SCNN1A: variants seen among roughly 807,000 people sequenced by gnomAD.
SCNN1A encodes the protein epithelial sodium channel subunit alpha.
SCNN1A carries 65 observed loss-of-function variants against 68.6 expected under a neutral mutation model. The ratio of observed to expected loss-of-function variants is 0.95; its 90% CI spans 0.78 to 1.16. The LOEUF is 1.16. Ranked by LOEUF, SCNN1A falls within the 50% of genes most tolerant of loss-of-function variation. SCNN1A has a pLI of 0.00. For missense variants in SCNN1A, 880 were observed against 865.9 expected (o/e 1.02, Z -0.20); for synonymous variants, 357 against 353.3 (o/e 1.01, Z -0.12).
intron 4 of SCNN1A, among the ~76,000 whole-genome samples, chr12:6,358,275 AC>A (rs1948529553): frequency 1.3e-5 from 2 of 152,194 alleles, no homozygotes; most frequent in African/African-American, 4.8e-5. Flanking sequence ...AGTCAAAAAG[AC>A]AGACAACAGC....
chr12:6,363,757 G>A, intron 2 of SCNN1A, 47 bp from the exon 3 acceptor site: 1 of 1,524,788 alleles, frequency 6.6e-7, no homozygotes, highest in Non-Finnish European at 8.8e-7. Flanking sequence ...CCTGGAGCGA[G>A]TGTCTGGCCC....
At chr12:6,377,291 C>G (rs1948928494), upstream of SCNN1A, 3 of 1,548,500 alleles carry the variant, frequency 1.9e-6, no homozygotes, top group Non-Finnish European at 2.6e-6. Context: ...GAAGGGACAG[C>G]TGGATTTTTC....
At chr12:6,370,541 G>A (rs1005950419) in intron 2 of SCNN1A, among the ~76,000 whole-genome samples, 5 of 152,184 alleles carry the variant, frequency 3.3e-5, no homozygotes, top group African/African-American at 7.2e-5. Flanking sequence ...CGTGGGAGCC[G>A]CCTAGGCCCC....
rs747901081 is a variant in SCNN1A, at chr12:6,374,428, T to A, written c.356A>T (p.Asn119Ile). The A allele has an allele frequency of 1.2e-6, 2 of 1,614,182 alleles. No homozygotes were observed. Among genetic ancestry groups the A allele is most frequent in the East Asian group, 4.5e-5 (2 of 44,896 alleles). ...YFSYPVSLNI[N>I]LNSDKLVFPA... is the part of the protein sequence containing the mutation. ...GAAGACGAGCTTGTCCGAGTTGAGG[T>A]TGATGTTGAGGCTGACGGGGTAGCT... is the stretch of plus-strand genomic sequence containing the variant. Residue 119 changes from asparagine to isoleucine, a missense_variant, in exon 2 of 13, where the codon AAC becomes ATC. Around this residue, in one of 3 missense-constraint regions of SCNN1A, gnomAD observed 758 missense variants for 721.8 expected, o/e 1.05. Transcript: ENST00000228916. This position sits in a 1 kb window ranked among gnomAD's most constrained non-coding sequence, Gnocchi z 6.2.
At chr12:6,375,326 C>A in intron 1 of SCNN1A, 179 bp downstream of exon 1, 1 of 1,441,550 alleles carries the variant, frequency 6.9e-7, no homozygotes. Flanking sequence ...TCACTCTAGG[C>A]CCTCAGCTCC....
Position 6,347,349 on chromosome 12 carries a change from A to C in SCNN1A, c.*524T>G. 1 of 166,098 alleles carries C rather than the reference A, an allele frequency of 6.0e-6. No homozygotes were observed. The highest frequency in any genetic ancestry group is 5.6e-5 in the Admixed American group (1 of 17,792). 10.3% of individuals were successfully genotyped at this position (166,098 alleles called of 1,614,324 possible). On this transcript the variant is annotated 3_prime_UTR_variant, in exon 13 of 13. Transcript: ENST00000228916. Reference sequence around the variant, plus strand: ...TAGCCCTCGGGAGTCAGGGAAGGGGAATTGCCTAAGTAACAAAGGGGGCTT... The same window carrying C: ...TAGCCCTCGGGAGTCAGGGAAGGGGCATTGCCTAAGTAACAAAGGGGGCTT...
chr12:6,376,111 T>C, upstream of SCNN1A: 1 of 988,186 alleles, frequency 1.0e-6, no homozygotes, highest in Non-Finnish European at 1.2e-6. Context: ...CACCCACAGG[T>C]CAGCCTCACC....
chr12:6,359,453 C>T (rs1158628688), intron 4 of SCNN1A, among the ~76,000 whole-genome samples: 1 of 152,064 alleles, frequency 6.6e-6, no homozygotes, highest in Non-Finnish European at 1.5e-5. Flanking sequence ...AATGTGATCC[C>T]CCATGTTGGA....
Position 6,363,506 on chromosome 12 carries a change from G to A in SCNN1A, c.621C>T (p.Ala207=), listed in dbSNP as rs773372073. 1 of 1,609,044 alleles carries A rather than the reference G, an allele frequency of 6.2e-7. No homozygotes were observed. Among genetic ancestry groups the A allele is most frequent in the Non-Finnish European group, 8.5e-7 (1 of 1,177,664 alleles). ...GGGGGTTGTTGTCCCGCAAGCTGGA[G>A]GCCACGCTACGGGCTCGACGGGCCC... is the stretch of plus-strand genomic sequence containing the variant. ...PHGARRARSV[A]SSLRDNNPQV... Residue 207 remains alanine (A), a synonymous_variant, in exon 3 of 13, where the codon GCC becomes GCT. Coordinates refer to ENST00000228916, the MANE Select transcript of SCNN1A (RefSeq NM_001038.6).
intron 7 of SCNN1A, 44 bp downstream of exon 7, chr12:6,354,706 G>A (rs776120142): frequency 2.6e-6 from 4 of 1,543,160 alleles, no homozygotes; most frequent in South Asian, 2.2e-5. Flanking sequence ...GCCAGCCAGG[G>A]CAGTGGCTGG....
At chr12:6,363,742 G>A in intron 2 of SCNN1A, 32 bp from the exon 3 acceptor site, 3 of 1,570,812 alleles carry the variant, frequency 1.9e-6, no homozygotes, top group Non-Finnish European at 2.6e-6. Flanking sequence ...GGTCAGGCCA[G>A]GGGCCCTGGA....
At chr12:6,354,976 A>G (rs1447000733) in intron 6 of SCNN1A, 128 bp from the exon 7 acceptor site, 5 of 843,252 alleles carry the variant, frequency 5.9e-6, no homozygotes, top group Non-Finnish European at 1.0e-5. Context: ...CTCTCAATAC[A>G]TGCTTCCAGC....
chr12:6,367,022 G>A (rs1445009900), intron 2 of SCNN1A, among the ~76,000 whole-genome samples: 1 of 152,056 alleles, frequency 6.6e-6, no homozygotes, highest in Admixed American at 6.5e-5. Context: ...TGGATCACTT[G>A]AGCTCAGAAG....
At chr12:6,355,957 A>C in intron 4 of SCNN1A, 77 bp from the exon 5 acceptor site, 1 of 933,146 alleles carries the variant, frequency 1.1e-6, no homozygotes, top group Non-Finnish European at 1.8e-6. Flanking sequence ...GGCAGAGAGA[A>C]ATGTCCACTC....
Sources: gnomAD v4.1 joint callset for allele counts (sites outside exome capture counted in the v4.1 genomes callset) on GRCh38, gnomAD v4.1.1 for gene constraint, gnomAD v4.1.1 regional missense constraint, Gnocchi (gnomAD v3.1) non-coding constraint, MANE v1.5 for transcripts, NCBI Gene and HGNC (gene_info 2026-07-23, HGNC 2026-07-21) for gene names.